Variants in CEP95 observed in about 807,000 individuals in gnomAD.
The protein encoded by CEP95 is centrosomal protein of 95 kDa.
CEP95 carries 98 observed loss-of-function variants against 111.2 expected under a neutral mutation model. That is an observed-to-expected ratio of 0.88 (90% CI 0.75 to 1.04). The LOEUF (loss-of-function observed/expected upper bound fraction) is 1.04, where lower values mean the gene tolerates loss of function less well. Among genes scored for constraint, CEP95 ranks in the 50% least tolerant of loss-of-function variants. The probability of loss-of-function intolerance (pLI) is 0.00; values close to 1 mark genes in which losing one functional copy is unlikely to be tolerated. For synonymous variants in CEP95, 323 were observed against 327.1 expected (o/e 0.99, Z 0.14); for missense variants, 1,027 against 977.2 (o/e 1.05, Z -0.68).
At chr17:64,511,623 T>A (rs181021739) in intron 3 of CEP95, among the ~76,000 whole-genome samples, 6 of 152,358 alleles carry the variant, frequency 3.9e-5, no homozygotes, top group Admixed American at 3.9e-4. Flanking sequence ...TACAATTTTG[T>A]GCAGTTAACG....
At chr17:64,514,167 A>G (rs781846875) in intron 3 of CEP95, 81 bp from the exon 4 acceptor site, 11 of 586,092 alleles carry the variant, frequency 1.9e-5, no homozygotes, top group Non-Finnish European at 6.3e-6. Flanking sequence ...CATTTTCACA[A>G]TGTTATATCC....
At chr17:64,507,945 G>T in intron 1 of CEP95, 1 of 985,426 alleles carries the variant, frequency 1.0e-6, no homozygotes, top group Non-Finnish European at 1.2e-6. Flanking sequence ...AGAGGAGAAT[G>T]TGGTACGCAG....
chr17:64,526,168 A>C lies in CEP95; in HGVS notation c.1120A>C (p.Lys374Gln). 2 of 1,613,224 alleles carry C rather than the reference A, an allele frequency of 1.2e-6. No individual in the cohort carries two copies. Among genetic ancestry groups the C allele is most frequent in the South Asian group, 2.2e-5 (2 of 90,770 alleles). Residue 374 changes from lysine to glutamine, a missense_variant, in exon 10 of 20, where the codon AAA becomes CAA. Coordinates refer to ENST00000556440, the MANE Select transcript of CEP95 (RefSeq NM_138363.3). ...ACAAGAATTACATGATGTATCAGAA[A>C]AACTCTCTCAGCGGCTTTCTGAACT... ...TEQELHDVSE[K>Q]LSQRLSELDW...
At chr17:64,524,253 T>G (rs1967614750) in intron 8 of CEP95, among the ~76,000 whole-genome samples, 1 of 152,206 alleles carries the variant, frequency 6.6e-6, no homozygotes. Context: ...AATACTTTAT[T>G]TTAAAAGTTT....
intron 3 of CEP95, among the ~76,000 whole-genome samples, chr17:64,510,679 A>T (rs909203712): frequency 1.1e-3 from 166 of 152,198 alleles, no homozygotes; most frequent in African/African-American, 3.9e-3. Context: ...CCTCCCGGGT[A>T]GCCGGGGCTA....
In CEP95 at chr17:64,525,883, GT is replaced by G; in HGVS notation, c.1022+2del. 6.4e-7 allele frequency: 1 copy of G among 1,558,338 alleles called. No individual in the cohort carries two copies. On this transcript the variant is annotated splice_donor_variant, in intron 9 of 19. Transcript: ENST00000556440. LOFTEE classifies it high-confidence loss of function. ...CAAGGAAGCCTCCCAAAGGAAAAAG[GT>G]AACATTACTGCAGACTTCAGTGTTT...
rs781930427 is a variant in CEP95 at position 64,510,207 on chromosome 17, T to C, written c.183T>C (p.Asp61=). The change falls in exon 3 of 20, where the codon GAT becomes GAC. Residue 61 remains aspartate, a synonymous_variant. Transcript: ENST00000556440. ...TTATTCCTAGGAGTCAAGAAGATGA[T>C]GCACACAATGTACAAGCAGTAATTG... ...LIVIPRSQED[D]AHNVQAVIDS... is the part of the protein sequence containing the mutation. 1.1e-5 allele frequency: 17 copies of C among 1,611,308 alleles called. 1 individual carries two copies.
intron 1 of CEP95, chr17:64,507,377 A>G: frequency 1.4e-6 from 2 of 1,402,610 alleles, no homozygotes; most frequent in Non-Finnish European, 9.2e-7. Flanking sequence ...GGCTGTAAAA[A>G]GAGCGGTCAG....
intron 14 of CEP95, 179 bp from the exon 15 acceptor site, chr17:64,532,660 C>T (rs1227892380): frequency 7.1e-6 from 10 of 1,411,552 alleles, no homozygotes; most frequent in African/African-American, 4.4e-5. Context: ...TATTTTTATC[C>T]TTACCAGTAG....
Position 64,527,270 on chromosome 17 carries a change from T to TA in CEP95, c.1306+7dup. On this transcript the variant is annotated splice_region_variant and intron_variant, in intron 11 of 19. Coordinates refer to ENST00000556440, the MANE Select transcript of CEP95 (RefSeq NM_138363.3). ...GCCAAAGAAGTCAAGGCCAGGTACT[T>TA]ACCCCAGAGAGACTGAGAAGGGGGA... 6.3e-7 allele frequency: 1 copy of TA among 1,599,286 alleles called. No homozygotes were observed. The highest frequency in any genetic ancestry group is 1.3e-5 in the African/African-American group (1 of 74,436).
chr17:64,522,492 T>TAA (rs544103500), intron 7 of CEP95, among the ~76,000 whole-genome samples: 1 of 146,734 alleles, frequency 6.8e-6, no homozygotes, highest in African/African-American at 2.5e-5. Context: ...TTTTAAAAAT[T>TAA]AAAAAAAAAA....
chr17:64,510,066 C>T, intron 2 of CEP95, 107 bp from the exon 3 acceptor site: 1 of 665,592 alleles, frequency 1.5e-6, no homozygotes, highest in Non-Finnish European at 2.7e-6. Flanking sequence ...TCTGTTTGGG[C>T]AGAGCCTTTA....
At chr17:64,526,012 TTTAAA>T in intron 9 of CEP95, 54 bp from the exon 10 acceptor site, 1 of 1,572,128 alleles carries the variant, frequency 6.4e-7, no homozygotes, top group Admixed American at 1.9e-5. Flanking sequence ...TTACAGTTAT[TTTAAA>T]CTAAATAATA....
At chr17:64,529,248 C>T (rs1032856318) in intron 11 of CEP95, 40 bp from the exon 12 acceptor site, 9 of 1,571,922 alleles carry the variant, frequency 5.7e-6, no homozygotes, top group Non-Finnish European at 7.8e-6. Context: ...AACATTCTGG[C>T]TATCAGGAAC....
chr17:64,533,069 T>G (rs1414132285), intron 15 of CEP95, 48 bp from the exon 16 acceptor site: 1 of 1,605,040 alleles, frequency 6.2e-7, no homozygotes, highest in East Asian at 2.2e-5. Flanking sequence ...CCTTAAGAAT[T>G]TAGTGAACAG....
intron 3 of CEP95, among the ~76,000 whole-genome samples, chr17:64,512,752 G>T (rs1359741955): frequency 1.3e-5 from 2 of 152,176 alleles, no homozygotes; most frequent in African/African-American, 4.8e-5. Flanking sequence ...AGTTCTAGGT[G>T]AGTGAATGGG....
rs782572983 is a variant in CEP95 at position 64,508,660 on chromosome 17, G to C, written c.88G>C (p.Asp30His). 8 of 1,467,022 alleles carry C rather than the reference G, an allele frequency of 5.5e-6. No homozygotes were observed. In the South Asian group the frequency reaches 1.2e-4, roughly 23 times the overall value. 90.9% of individuals were successfully genotyped at this position (1,467,022 alleles called of 1,614,324 possible). ...HIHLRIHELQ[D>H]CDANVFIALY... ...ACATCTGAGAATACATGAACTTCAAGACTGTGATGCTAATGTTTTTATTGC... is the reference window on the plus strand; with the variant it reads ...ACATCTGAGAATACATGAACTTCAACACTGTGATGCTAATGTTTTTATTGC... The change falls in exon 2 of 20, where the codon GAC becomes CAC. Residue 30 changes from aspartate (D) to histidine (H), a missense_variant. Physicochemically the swap from Asp to His is moderately conservative, Grantham distance 81. Transcript: ENST00000556440.
At chr17:64,507,207 T>C in intron 1 of CEP95, 91 bp downstream of exon 1, 3 of 1,532,326 alleles carry the variant, frequency 2.0e-6, no homozygotes, top group South Asian at 1.2e-5. Flanking sequence ...GTCTGGGCTG[T>C]CGGCGGGGCT....
At chr17:64,532,567 T>C in intron 14 of CEP95, 1 of 1,222,418 alleles carries the variant, frequency 8.2e-7, no homozygotes, top group Non-Finnish European at 1.0e-6. Context: ...ACGTAGAGAA[T>C]CTACCCACAG....
Sources: gnomAD v4.1 joint callset for allele counts (sites outside exome capture counted in the v4.1 genomes callset) on GRCh38, gnomAD v4.1.1 for gene constraint, MANE v1.5 for transcripts, NCBI Gene and HGNC (gene_info 2026-07-23, HGNC 2026-07-21) for gene names.